The following TRMT44 variants were observed in gnomAD, a reference collection of about 807,000 sequenced individuals.
TRMT44 encodes the protein tRNA methyltransferase 44 homolog, also known as probable tRNA (uracil-O(2)-)-methyltransferase.
A neutral mutation model predicts 77.3 loss-of-function variants in TRMT44; 78 were observed. That is an observed-to-expected ratio of 1.01 (90% CI 0.84 to 1.22). TRMT44 has a LOEUF of 1.22. Ranked by LOEUF, TRMT44 falls within the 50% of genes most tolerant of loss-of-function variation. TRMT44 has a pLI of 0.00. For synonymous variants in TRMT44, 391 were observed against 383.3 expected (o/e 1.02, Z -0.23); for missense variants, 1,090 against 964.4 (o/e 1.13, Z -1.73).
chr4:8,447,102 C>G (rs1300182319), intron 2 of TRMT44, among the ~76,000 whole-genome samples: 1 of 152,174 alleles, frequency 6.6e-6, no homozygotes, highest in Non-Finnish European at 1.5e-5. Flanking sequence ...TATCAAACTC[C>G]TGACCTCAGG....
At chr4:8,474,347 G>C (rs569521311) in intron 10 of TRMT44, among the ~76,000 whole-genome samples, 4 of 152,256 alleles carry the variant, frequency 2.6e-5, no homozygotes, top group Non-Finnish European at 1.5e-5. Flanking sequence ...GAGTGTCGCG[G>C]GACTGCCTTA....
chr4:8,479,957 A>G (rs1393750561), downstream of TRMT44, among the ~76,000 whole-genome samples: 2 of 151,976 alleles, frequency 1.3e-5, no homozygotes, highest in Middle Eastern at 3.2e-3. Flanking sequence ...GGCTCACTAC[A>G]GTGAGCCTCA....
chr4:8,459,035 C>T (rs963641991), intron 6 of TRMT44, among the ~76,000 whole-genome samples: 99 of 147,892 alleles, frequency 6.7e-4, no homozygotes, highest in African/African-American at 2.4e-3. Flanking sequence ...CCCATCTCTA[C>T]TAAAAAAAAA....
chr4:8,463,875 G>A (rs1726337691), intron 6 of TRMT44, 110 bp from the exon 7 acceptor site: 6 of 819,766 alleles, frequency 7.3e-6, no homozygotes, highest in South Asian at 1.7e-5. Flanking sequence ...GGTGAACTGC[G>A]GCTCTGCGCT....
At chr4:8,470,903 G>A (rs767541787) in intron 9 of TRMT44, 181 bp from the exon 10 acceptor site, 35 of 529,286 alleles carry the variant, frequency 6.6e-5, no homozygotes, top group South Asian at 5.1e-4. Context: ...GGGTGGGGAC[G>A]CCACGGCCCT....
intron 10 of TRMT44, among the ~76,000 whole-genome samples, chr4:8,474,254 C>T (rs1727216676): frequency 6.6e-6 from 1 of 152,214 alleles, no homozygotes; most frequent in Non-Finnish European, 1.5e-5. Flanking sequence ...CCTGAGCACC[C>T]TTTAGAGGGT....
chr4:8,463,460 G>A (rs774940921), intron 6 of TRMT44, among the ~76,000 whole-genome samples: 5 of 152,148 alleles, frequency 3.3e-5, no homozygotes, highest in Non-Finnish European at 5.9e-5. Flanking sequence ...AAAGGTAATA[G>A]TCTAATGGTA....
At chr4:8,483,666 G>A (rs1261997086) in intron 2 of TRMT44, among the ~76,000 whole-genome samples, 1 of 152,094 alleles carries the variant, frequency 6.6e-6, no homozygotes, top group African/African-American at 2.4e-5. Context: ...GAACTGTAAG[G>A]GATATAAAGG....
intron 10 of TRMT44, among the ~76,000 whole-genome samples, chr4:8,471,548 T>C (rs980854142): frequency 5.9e-5 from 9 of 152,256 alleles, no homozygotes; most frequent in Non-Finnish European, 1.2e-4. Context: ...GGGGTCATTG[T>C]TTGGCGTCAT....
Position 8,451,661 on chromosome 4 carries a change from A to G in TRMT44, c.955-299A>G, listed in dbSNP as rs114331154. Among the ~76,000 whole-genome samples the G allele has an allele frequency of 2.0e-5, 3 of 152,182 alleles. No homozygotes were observed. The highest frequency in any genetic ancestry group is 7.2e-5 in the African/African-American group (3 of 41,426). On this transcript the variant is annotated intron_variant, in intron 3 of 10. Transcript: ENST00000389737. This position sits in a 1 kb window ranked among gnomAD's most constrained non-coding sequence, Gnocchi z 4.1. Reference sequence around the variant, plus strand: ...TTTGTTGCCCTTATCTGCATAGACAATGAGCACAGTGTAGCTAAGTGTTTC... The same window carrying G: ...TTTGTTGCCCTTATCTGCATAGACAGTGAGCACAGTGTAGCTAAGTGTTTC...
the TRMT44 span, among the ~76,000 whole-genome samples, chr4:8,498,924 A>C: frequency 6.6e-6 from 1 of 152,114 alleles, no homozygotes; most frequent in Admixed American, 6.5e-5. The surrounding 1 kb of genome is among the most constrained non-coding windows in gnomAD (Gnocchi z 4.3). Flanking sequence ...TGCGTGGTCC[A>C]GTTGCCCAGA....
the TRMT44 span, among the ~76,000 whole-genome samples, chr4:8,508,310 C>T: frequency 1.2e-4 from 18 of 152,192 alleles, no homozygotes; most frequent in Non-Finnish European, 2.5e-4. Context: ...ACTTTCAGGA[C>T]GTGACCTTGT....
chr4:8,443,158 C>T (rs1298176973), intron 1 of TRMT44, among the ~76,000 whole-genome samples: 3 of 152,150 alleles, frequency 2.0e-5, no homozygotes, highest in Non-Finnish European at 4.4e-5. Context: ...GGGGGCCTCT[C>T]TGCCAGTCCA....
At chr4:8,456,541 TAA>T (rs79030141) in intron 6 of TRMT44, among the ~76,000 whole-genome samples, 35 of 126,016 alleles carry the variant, frequency 2.8e-4, no homozygotes, top group Non-Finnish European at 2.6e-4. Context: ...GAACTGTTGT[TAA>T]AAAAAAAAAA....
Position 8,452,024 on chromosome 4 carries a change from T to C in TRMT44, c.1019T>C (p.Leu340Pro), listed in dbSNP as rs1238808267. The C allele has an allele frequency of 6.5e-7, 1 of 1,536,466 alleles. No homozygotes were observed. The highest frequency in any genetic ancestry group is 8.7e-7 in the Non-Finnish European group (1 of 1,146,894). ...GAAGATGTGGCTATCGCAGCATACCTGCTGGTAAGGGTGTAAGCGACCTCA... is the reference window on the plus strand; with the variant it reads ...GAAGATGTGGCTATCGCAGCATACCCGCTGGTAAGGGTGTAAGCGACCTCA... Reference protein sequence around the residue: ...VYEDVAIAAYLLILWEEERAE... With the variant: ...VYEDVAIAAYPLILWEEERAE... Residue 340 changes from leucine to proline, a missense_variant, in exon 4 of 11, where the codon CTG becomes CCG. Coordinates refer to ENST00000389737, the MANE Select transcript of TRMT44 (RefSeq NM_152544.3). This position sits in a 1 kb window ranked among gnomAD's most constrained non-coding sequence, Gnocchi z 5.7.
In TRMT44 at chr4:8,491,858, C is replaced by T. The variant is rs530684205; in HGVS notation, n.3892-1408C>T. 2.8e-3 allele frequency among the ~76,000 whole-genome samples: 432 copies of T among 152,370 alleles called. 1 individual carries two copies. The highest frequency in any genetic ancestry group is 9.7e-3 in the African/African-American group (404 of 41,598). On this transcript the variant is annotated intron_variant and non_coding_transcript_variant, in intron 2 of 2. Transcript: ENST00000511366. ...TGGCCAGCACAGAAAGGGGCTCCCA[C>T]AGTGCAGCGGTGGGCTGAAGGGCTC...
chr4:8,494,105 A>G (rs1728088437), downstream of TRMT44, among the ~76,000 whole-genome samples: 1 of 151,474 alleles, frequency 6.6e-6, no homozygotes, highest in African/African-American at 2.4e-5. Context: ...TGTGAAAGGA[A>G]AATCAATCTC....
chr4:8,484,044 T>G (rs112145755), intron 2 of TRMT44, among the ~76,000 whole-genome samples: 10,014 of 152,156 alleles, frequency 0.066, 631 homozygotes, highest in African/African-American at 0.16. Context: ...TTCCTTGAGA[T>G]TTCCAGGATG....
intron 2 of TRMT44, among the ~76,000 whole-genome samples, chr4:8,487,868 T>C (rs1486525752): frequency 2.6e-5 from 4 of 152,064 alleles, no homozygotes; most frequent in Non-Finnish European, 5.9e-5. Flanking sequence ...GAAACCTGGG[T>C]GAATAGTCAG....
Sources: allele counts gnomAD v4.1 joint callset (sites outside exome capture counted in the v4.1 genomes callset), GRCh38; gene constraint gnomAD v4.1.1; non-coding constraint Gnocchi (gnomAD v3.1); transcripts MANE v1.5; gene names NCBI Gene and HGNC (gene_info 2026-07-23, HGNC 2026-07-21).